The following MVB12B variants were observed in gnomAD, a reference collection of about 807,000 sequenced individuals.
The protein encoded by MVB12B is multivesicular body subunit 12B.
Under a neutral mutation model 41.6 loss-of-function variants are expected in MVB12B, and 16 were observed. That is an observed-to-expected ratio of 0.38 (90% CI 0.26 to 0.58). The LOEUF (loss-of-function observed/expected upper bound fraction) is 0.58, where lower values mean the gene tolerates loss of function less well. MVB12B is among the 20% of genes least tolerant of loss of function. The pLI is 0.62. For missense variants in MVB12B, 274 were observed against 380.2 expected (o/e 0.72, Z 2.32); for synonymous variants, 133 against 139.7 (o/e 0.95, Z 0.34).
rs762424899 is a variant in MVB12B, at chr9:126,386,645, G to A, written c.396G>A (p.Glu132=). The part of the protein sequence containing the change: ...TLPVGFIPIQ[E]TVDTQEVAFR... ...CTGTGGGCTTCATCCCAATTCAGGAGACGGTGGACACACGTGAGTCATCCT... is the reference window on the plus strand; with the variant it reads ...CTGTGGGCTTCATCCCAATTCAGGAAACGGTGGACACACGTGAGTCATCCT... The change falls in exon 4 of 10, where the codon GAG becomes GAA. Residue 132 remains glutamate, a synonymous_variant. Coordinates refer to ENST00000361171, the MANE Select transcript of MVB12B (RefSeq NM_033446.3). This position sits in a 1 kb window ranked among gnomAD's most constrained non-coding sequence, Gnocchi z 4.3. 2 of 1,613,024 alleles carry A rather than the reference G, an allele frequency of 1.2e-6. No individual in the cohort carries two copies. Among genetic ancestry groups the A allele is most frequent in the Admixed American group, 3.3e-5 (2 of 60,022 alleles).
At chr9:126,446,810 T>G (rs571479814) in intron 7 of MVB12B, among the ~76,000 whole-genome samples, 1 of 152,052 alleles carries the variant, frequency 6.6e-6, no homozygotes, top group Non-Finnish European at 1.5e-5. Flanking sequence ...CTCTCTCTTT[T>G]TCTTGGTTGA....
Position 126,397,900 on chromosome 9 carries a change from G to A in MVB12B, c.662+2203G>A, listed in dbSNP as rs112959235. The stretch of plus-strand genomic sequence containing the variant: ...CTGATCACCTCCCCTCTGGTGGGGA[G>A]CAGTGGCTGGGGCTTGTGCTCCGAG... On this transcript the variant is annotated intron_variant, in intron 6 of 9. Transcript: ENST00000361171. 3.1e-3 allele frequency among the ~76,000 whole-genome samples: 474 copies of A among 152,250 alleles called. 1 individual carries two copies. Among genetic ancestry groups the A allele is most frequent in the Admixed American group, 5.3e-3 (81 of 15,302 alleles).
intron 7 of MVB12B, 126 bp downstream of exon 7, chr9:126,422,074 C>A (rs1832038048): frequency 2.8e-6 from 2 of 705,124 alleles, no homozygotes; most frequent in Non-Finnish European, 2.5e-6. Context: ...CTGCAGGGGA[C>A]CTGTTCCCTG....
At chr9:126,494,868 A>AC (rs61435398) in intron 9 of MVB12B, among the ~76,000 whole-genome samples, 1,812 of 127,400 alleles carry the variant, frequency 0.014, 25 homozygotes, top group East Asian at 0.042. Flanking sequence ...GGAGCACCCC[A>AC]CCCCCCCCCA....
chr9:126,414,974 C>T (rs1269826598), intron 6 of MVB12B, among the ~76,000 whole-genome samples: 4 of 152,142 alleles, frequency 2.6e-5, no homozygotes, highest in Admixed American at 2.6e-4. Context: ...AAGTGACCCA[C>T]TCGCCTCGGC....
chr9:126,363,557 A>G (rs1269672402), intron 2 of MVB12B, among the ~76,000 whole-genome samples: 1 of 152,198 alleles, frequency 6.6e-6, no homozygotes, highest in African/African-American at 2.4e-5. Flanking sequence ...GCCAGTGGAA[A>G]CTTTCCAAAA....
intron 6 of MVB12B, among the ~76,000 whole-genome samples, chr9:126,409,481 T>A (rs113788658): frequency 1.1e-4 from 4 of 35,278 alleles, no homozygotes; most frequent in Non-Finnish European, 2.3e-4. Flanking sequence ...AGAATTAAAT[T>A]GGGGGGGGAC....
chr9:126,481,766 C>T (rs961404545), intron 8 of MVB12B, among the ~76,000 whole-genome samples: 2 of 152,200 alleles, frequency 1.3e-5, no homozygotes, highest in Admixed American at 6.5e-5. Context: ...TTTGCCATGC[C>T]GCACGTGATT....
intron 6 of MVB12B, among the ~76,000 whole-genome samples, chr9:126,411,580 G>A (rs1339695644): frequency 2.0e-5 from 3 of 152,060 alleles, no homozygotes; most frequent in Admixed American, 2.0e-4. Flanking sequence ...AACTGTAGAG[G>A]AAATAGGTCT....
At chr9:126,499,733 C>T (rs1350552026) in intron 9 of MVB12B, among the ~76,000 whole-genome samples, 1 of 151,804 alleles carries the variant, frequency 6.6e-6, no homozygotes, top group East Asian at 1.9e-4. Flanking sequence ...GGGTGGGTGG[C>T]GCTTTTCTCC....
In MVB12B at chr9:126,493,446, T is replaced by C. The variant is rs118186041; in HGVS notation, c.873+9414T>C. Among the ~76,000 whole-genome samples, 650 of 152,304 alleles carry C rather than the reference T, an allele frequency of 4.3e-3. 9 individuals carry two copies. The East Asian group carries it at 0.049, about 11-fold the overall frequency. The stretch of plus-strand genomic sequence containing the variant: ...CACTATTCTGAATCTTATCGCTTTA[T>C]AGTAAGTTTTAATATAGGTTAGGGT... On this transcript the variant is annotated intron_variant, in intron 9 of 9. Transcript: ENST00000361171.
At chr9:126,327,524 G>A (rs1157265020) in intron 1 of MVB12B, among the ~76,000 whole-genome samples, 2 of 152,132 alleles carry the variant, frequency 1.3e-5, no homozygotes, top group Non-Finnish European at 2.9e-5. Context: ...AAGGTGACAT[G>A]CCCAGCCTGG....
intron 7 of MVB12B, among the ~76,000 whole-genome samples, chr9:126,443,189 C>T (rs542479982): frequency 2.4e-4 from 36 of 152,252 alleles, no homozygotes; most frequent in South Asian, 6.2e-4. Context: ...GGGTTTAAGC[C>T]CCATTTTGAC....
intron 7 of MVB12B, among the ~76,000 whole-genome samples, chr9:126,439,225 C>T (rs994324654): frequency 1.3e-5 from 2 of 151,798 alleles, no homozygotes; most frequent in African/African-American, 4.8e-5. Flanking sequence ...AGTGGCAGAC[C>T]TGGGAGCTCT....
chr9:126,403,110 T>G (rs1831313875), intron 6 of MVB12B, among the ~76,000 whole-genome samples: 1 of 152,212 alleles, frequency 6.6e-6, no homozygotes, highest in Non-Finnish European at 1.5e-5. Context: ...AACCTTAAAG[T>G]CTGTGGTGAC....
At chr9:126,500,249 C>T (rs1027684682) in intron 9 of MVB12B, among the ~76,000 whole-genome samples, 15 of 152,380 alleles carry the variant, frequency 9.8e-5, no homozygotes, top group Admixed American at 8.5e-4. Flanking sequence ...CCTCCCCCAG[C>T]CCCTCCACTG....
At chr9:126,385,302 T>C (rs1372944405) in intron 3 of MVB12B, among the ~76,000 whole-genome samples, 3 of 152,190 alleles carry the variant, frequency 2.0e-5, no homozygotes, top group Non-Finnish European at 2.9e-5. Context: ...TCTTAAACTC[T>C]AGAAGCAAGA....
At chr9:126,329,977 C>T (rs1035483296) in intron 1 of MVB12B, among the ~76,000 whole-genome samples, 3 of 143,198 alleles carry the variant, frequency 2.1e-5, no homozygotes, top group Non-Finnish European at 3.1e-5. Context: ...CCTAGGGAAT[C>T]GTGGCTTCCC....
chr9:126,476,745 C>T (rs1210415340), intron 7 of MVB12B, among the ~76,000 whole-genome samples: 1 of 151,330 alleles, frequency 6.6e-6, no homozygotes, highest in African/African-American at 2.4e-5. Context: ...GGCATGGTGG[C>T]GGGTGCCTGT....
Sources: allele counts gnomAD v4.1 joint callset (sites outside exome capture counted in the v4.1 genomes callset), GRCh38; gene constraint gnomAD v4.1.1; non-coding constraint Gnocchi (gnomAD v3.1); transcripts MANE v1.5; gene names NCBI Gene and HGNC (gene_info 2026-07-23, HGNC 2026-07-21).